The following UNC5D variants were observed in gnomAD, a reference collection of about 807,000 sequenced individuals.
UNC5D encodes the protein netrin receptor UNC5D.
A neutral mutation model predicts 105.4 loss-of-function variants in UNC5D; 39 were observed. The observed-to-expected ratio is 0.37, with a 90% CI of 0.29 to 0.48. The LOEUF is 0.48. Among genes scored for constraint, UNC5D ranks in the 20% least tolerant of loss-of-function variants. The pLI, the probability that UNC5D is intolerant of heterozygous loss-of-function variation, is 0.98. For missense variants in UNC5D, 991 were observed against 1,202.4 expected, an observed-to-expected ratio of 0.82 and a Z score of 2.60; for synonymous variants, 452 against 450.4, an observed-to-expected ratio of 1.00 and a Z score of -0.04.
chr8:35,634,955 G>T (rs1268466915), intron 4 of UNC5D, among the ~76,000 whole-genome samples: 1 of 151,882 alleles, frequency 6.6e-6, no homozygotes, highest in Non-Finnish European at 1.5e-5. Flanking sequence ...TAGCAGAGAC[G>T]GGATTTCTCC....
At chr8:35,674,989 C>G (rs1244245772) in intron 4 of UNC5D, among the ~76,000 whole-genome samples, 1 of 152,148 alleles carries the variant, frequency 6.6e-6, no homozygotes. Context: ...ATAGACCTGT[C>G]TCTCTACCCT....
chr8:35,413,257 CTGTG>C (rs1183992855), intron 1 of UNC5D, among the ~76,000 whole-genome samples: 2 of 130,120 alleles, frequency 1.5e-5, no homozygotes, highest in African/African-American at 3.0e-5. Context: ...GGGGGCGGGT[CTGTG>C]TGTGTGTGTG....
At chr8:35,751,800 T>C (rs1830292806) in intron 13 of UNC5D, among the ~76,000 whole-genome samples, 1 of 152,206 alleles carries the variant, frequency 6.6e-6, no homozygotes, top group Admixed American at 6.5e-5. Context: ...ATTATGCAAC[T>C]GACCCGAAAC....
At chr8:35,271,337 A>ACG (rs1563267155) in intron 1 of UNC5D, among the ~76,000 whole-genome samples, 13,399 of 109,080 alleles carry the variant, frequency 0.12, 1,919 homozygotes, top group Non-Finnish European at 0.18. Context: ...ACACACGTGC[A>ACG]TGTGTGTATG....
At chr8:35,435,074 G>T (rs1298228349) in intron 1 of UNC5D, among the ~76,000 whole-genome samples, 2 of 151,992 alleles carry the variant, frequency 1.3e-5, no homozygotes, top group Admixed American at 6.6e-5. Context: ...GTGGAGTATG[G>T]TTTTTTCTGA....
chr8:35,316,875 A>G (rs980230898), intron 1 of UNC5D, among the ~76,000 whole-genome samples: 3 of 152,168 alleles, frequency 2.0e-5, no homozygotes, highest in African/African-American at 7.2e-5. Context: ...ATTAGGGACC[A>G]CTAGAGGACA....
intron 16 of UNC5D, among the ~76,000 whole-genome samples, chr8:35,777,071 T>C (rs1802282887): frequency 6.6e-6 from 1 of 152,176 alleles, no homozygotes; most frequent in Non-Finnish European, 1.5e-5. Context: ...CTGACCAACA[T>C]GGTGAAACCC....
At chr8:35,644,189 A>G (rs1176669298) in intron 4 of UNC5D, among the ~76,000 whole-genome samples, 1 of 152,130 alleles carries the variant, frequency 6.6e-6, no homozygotes, top group Non-Finnish European at 1.5e-5. Context: ...TAAGGCTTAT[A>G]TAGAGTTAGG....
chr8:35,417,131 G>C (rs1455604770), intron 1 of UNC5D, among the ~76,000 whole-genome samples: 1 of 151,968 alleles, frequency 6.6e-6, no homozygotes, highest in Non-Finnish European at 1.5e-5. Context: ...TTAAATTATT[G>C]ACTAGTCATT....
chr8:35,423,239 A>G (rs1234803221), intron 1 of UNC5D, among the ~76,000 whole-genome samples: 3 of 152,170 alleles, frequency 2.0e-5, no homozygotes, highest in African/African-American at 7.2e-5. Context: ...TGAGACTTAC[A>G]CATCCACTAC....
At chr8:35,435,563 A>G (rs962309042) in intron 1 of UNC5D, among the ~76,000 whole-genome samples, 2 of 152,138 alleles carry the variant, frequency 1.3e-5, no homozygotes, top group Non-Finnish European at 1.5e-5. Flanking sequence ...CATCATTATA[A>G]TATTTCTAAG....
rs1231286251 is a variant in UNC5D at position 35,247,510 on chromosome 8, TTC to T, written c.103+11635_103+11636del. On this transcript the variant is annotated intron_variant, in intron 1 of 16. Coordinates refer to ENST00000404895, the MANE Select transcript of UNC5D (RefSeq NM_080872.4). ...AATCTACTAGGAGATCCTAAATAAC[TTC>T]TCTCTCTCTCTATATATATATATGT... is the stretch of plus-strand genomic sequence containing the variant. 6.3e-4 allele frequency among the ~76,000 whole-genome samples: 79 copies of T among 126,350 alleles called. 1 individual carries two copies. Among genetic ancestry groups the T allele is most frequent in the Non-Finnish European group, 8.1e-4 (51 of 62,994 alleles). 82.9% of individuals were successfully genotyped at this position (126,350 alleles called of 152,430 possible). A position where few individuals can be genotyped will look rare whatever the true frequency, so the allele number is the denominator to read the frequency against.
intron 4 of UNC5D, among the ~76,000 whole-genome samples, chr8:35,640,889 G>A (rs72634961): frequency 0.03 from 4,490 of 151,950 alleles, 143 homozygotes; most frequent in African/African-American, 0.082. Context: ...TCATTTAAAC[G>A]TAACTCTCTG....
At chr8:35,442,936 A>AAC (rs1554531959) in intron 1 of UNC5D, among the ~76,000 whole-genome samples, 70 of 135,276 alleles carry the variant, frequency 5.2e-4, no homozygotes, top group African/African-American at 1.6e-3. Flanking sequence ...ACACACACAC[A>AAC]ACACACACAC....
At chr8:35,607,852 A>G (rs1820411176) in intron 4 of UNC5D, among the ~76,000 whole-genome samples, 2 of 151,208 alleles carry the variant, frequency 1.3e-5, no homozygotes, top group Non-Finnish European at 2.9e-5. Context: ...CCTAACCCTA[A>G]CCCCTAACCC....
intron 16 of UNC5D, among the ~76,000 whole-genome samples, chr8:35,775,421 G>T (rs1005870230): frequency 6.6e-6 from 1 of 152,098 alleles, no homozygotes; most frequent in Non-Finnish European, 1.5e-5. Flanking sequence ...ACAGGCAGGG[G>T]TGATGCTCTT....
chr8:35,751,868 CTT>C (rs1176129442), intron 13 of UNC5D, among the ~76,000 whole-genome samples: 2 of 152,154 alleles, frequency 1.3e-5, no homozygotes, highest in African/African-American at 4.8e-5. Context: ...TTTGGGAACT[CTT>C]TTACAAATTT....
At chr8:35,760,170 A>G (rs1801458603) in intron 14 of UNC5D, among the ~76,000 whole-genome samples, 1 of 133,858 alleles carries the variant, frequency 7.5e-6, no homozygotes, top group Non-Finnish European at 1.5e-5. Context: ...CAGCCTCCTG[A>G]GCAGCTGGAT....
chr8:35,470,807 T>TAAATAAATAAATAAATA (rs1554538816), intron 1 of UNC5D, among the ~76,000 whole-genome samples: 5 of 130,506 alleles, frequency 3.8e-5, no homozygotes, highest in African/African-American at 1.2e-4. Flanking sequence ...AATAAATAAA[T>TAAATAAATAAATAAATA]AAATAAAATA....
Sources: allele counts gnomAD v4.1 joint callset (sites outside exome capture counted in the v4.1 genomes callset), GRCh38; gene constraint gnomAD v4.1.1; transcripts MANE v1.5; gene names NCBI Gene and HGNC (gene_info 2026-07-23, HGNC 2026-07-21).